Variants in MGRN1 observed in about 807,000 individuals in gnomAD.
MGRN1 encodes mahogunin ring finger 1.
A neutral mutation model predicts 69.2 loss-of-function variants in MGRN1; 29 were observed. That is an observed-to-expected ratio of 0.42 (90% confidence interval 0.31 to 0.57). The LOEUF (loss-of-function observed/expected upper bound fraction) is 0.57, where lower values mean the gene tolerates loss of function less well. Among genes scored for constraint, MGRN1 ranks in the 20% least tolerant of loss-of-function variants. The pLI, the probability that MGRN1 is intolerant of heterozygous loss-of-function variation, is 0.15. For missense variants in MGRN1, 998 were observed against 796.2 expected (o/e 1.25, Z -3.05); for synonymous variants, 470 against 344.2 (o/e 1.37, Z -4.04).
intron 10 of MGRN1, 173 bp from the exon 11 acceptor site, chr16:4,677,290 T>G: frequency 2.2e-6 from 1 of 449,074 alleles, no homozygotes; most frequent in Non-Finnish European, 3.9e-6. Flanking sequence ...TCCTGCCTAT[T>G]AAATTCCTGC....
Position 4,673,567 on chromosome 16 carries a change from C to T in MGRN1, c.865C>T (p.Leu289=), listed in dbSNP as rs996251737. 6.2e-7 allele frequency: 1 copy of T among 1,613,862 alleles called. No homozygotes were observed. The highest frequency in any genetic ancestry group is 8.5e-7 in the Non-Finnish European group (1 of 1,179,998). Reference sequence around the variant, plus strand: ...GTGCCTGTCCGACCTGCGGGACACGCTGATCCTGCCCTGCCGCCACCTGTG... The same window carrying T: ...GTGCCTGTCCGACCTGCGGGACACGTTGATCCTGCCCTGCCGCCACCTGTG... ...VVCLSDLRDT[L]ILPCRHLCLC... is the part of the protein sequence containing the mutation. The change falls in exon 10 of 17, where the codon CTG becomes TTG. Residue 289 remains leucine (L), a synonymous_variant. Coordinates refer to ENST00000262370, the MANE Select transcript of MGRN1 (RefSeq NM_015246.4).
At chr16:4,650,548 G>C in intron 2 of MGRN1, 65 bp downstream of exon 2, 1 of 1,293,038 alleles carries the variant, frequency 7.7e-7, no homozygotes, top group Non-Finnish European at 1.1e-6. Context: ...CCAGCAGTCC[G>C]CATCCCAGCC....
chr16:4,686,527 C>G (rs932888054), intron 16 of MGRN1: 1 of 1,370,036 alleles, frequency 7.3e-7, no homozygotes. Flanking sequence ...GGCCAGAGGT[C>G]TCTCCATCTG....
At chr16:4,654,178 C>G (rs111467103) in intron 4 of MGRN1, among the ~76,000 whole-genome samples, 76 of 152,230 alleles carry the variant, frequency 5.0e-4, no homozygotes, top group African/African-American at 1.7e-3. Flanking sequence ...CTCACTGGCA[C>G]ATAAGACACT....
chr16:4,663,361 C>A (rs928541765), intron 5 of MGRN1, among the ~76,000 whole-genome samples: 11 of 99,568 alleles, frequency 1.1e-4, no homozygotes, highest in Non-Finnish European at 2.2e-4. Context: ...CGGCACCTGG[C>A]CTTGTTTTTT....
chr16:4,657,214 C>T (rs1439325423), intron 4 of MGRN1, 32 bp from the exon 5 acceptor site: 45 of 1,599,272 alleles, frequency 2.8e-5, no homozygotes, highest in Non-Finnish European at 3.8e-5. Flanking sequence ...CTTCCTGCCG[C>T]AGCCTCACTG....
intron 16 of MGRN1, chr16:4,687,574 A>C (rs1596323099): frequency 2.6e-6 from 2 of 771,984 alleles, no homozygotes; most frequent in East Asian, 4.8e-4. Flanking sequence ...CAAGAAAAAA[A>C]AAATACACAC....
rs545550065 is a variant in MGRN1 at position 4,684,700 on chromosome 16, C to T, written c.1618+768C>T. 4.6e-5 allele frequency among the ~76,000 whole-genome samples: 7 copies of T among 152,378 alleles called. No individual in the cohort carries two copies. In the South Asian group the frequency reaches 1.0e-3, roughly 23 times the overall value. ...GGGATAAGATCCTCAGTTTCGAATC[C>T]TAAGCTCTAAAGACCGGGAGGGAAT... is the stretch of plus-strand genomic sequence containing the variant. On this transcript the variant is annotated intron_variant, in intron 16 of 16. Transcript: ENST00000262370.
intron 4 of MGRN1, among the ~76,000 whole-genome samples, chr16:4,656,267 AG>A (rs2141895450): frequency 6.6e-6 from 1 of 152,336 alleles, no homozygotes; most frequent in East Asian, 1.9e-4. Context: ...TGTTGGGAAA[AG>A]TGAGATGTTG....
intron 1 of MGRN1, among the ~76,000 whole-genome samples, chr16:4,639,528 A>C (rs1198565937): frequency 2.0e-5 from 3 of 152,208 alleles, no homozygotes; most frequent in African/African-American, 7.2e-5. Flanking sequence ...TGGGCTACCT[A>C]GGATGGAACA....
chr16:4,646,489 C>T (rs961251905), intron 1 of MGRN1, among the ~76,000 whole-genome samples: 1 of 151,914 alleles, frequency 6.6e-6, no homozygotes, highest in Non-Finnish European at 1.5e-5. Flanking sequence ...GAGGGGCTGC[C>T]TCCCTGGCTC....
chr16:4,678,186 C>A (rs898107584), intron 11 of MGRN1, among the ~76,000 whole-genome samples: 1 of 152,206 alleles, frequency 6.6e-6, no homozygotes, highest in Non-Finnish European at 1.5e-5. Context: ...TTCCCCCATG[C>A]GCTGCTGTGC....
intron 10 of MGRN1, among the ~76,000 whole-genome samples, chr16:4,675,586 A>C (rs1417753812): frequency 6.6e-6 from 1 of 152,066 alleles, no homozygotes; most frequent in Non-Finnish European, 1.5e-5. Flanking sequence ...AAAAAGTTAA[A>C]AGTTAGCCAG....
At chr16:4,654,738 G>A (rs986664362) in intron 4 of MGRN1, among the ~76,000 whole-genome samples, 1 of 152,240 alleles carries the variant, frequency 6.6e-6, no homozygotes, top group Admixed American at 6.5e-5. Context: ...CGCGTGACAG[G>A]TGCTCTTGAA....
At chr16:4,667,257 T>C (rs1455322459) in intron 7 of MGRN1, among the ~76,000 whole-genome samples, 1 of 152,212 alleles carries the variant, frequency 6.6e-6, no homozygotes, top group Non-Finnish European at 1.5e-5. Flanking sequence ...TCTGGGTCTT[T>C]CTAGAGCACC....
intron 5 of MGRN1, among the ~76,000 whole-genome samples, chr16:4,661,000 G>A (rs1379720449): frequency 2.0e-5 from 3 of 151,852 alleles, no homozygotes; most frequent in Non-Finnish European, 4.4e-5. Context: ...CCCTTTTTTT[G>A]AGACAGGGGC....
chr16:4,682,219 C>G (rs755330107), intron 13 of MGRN1, among the ~76,000 whole-genome samples: 5 of 152,208 alleles, frequency 3.3e-5, no homozygotes, highest in African/African-American at 4.8e-5. Context: ...CTGCTCTTGC[C>G]GTTCGCCCGT....
Position 4,650,345 on chromosome 16 carries a change from G to A in MGRN1, c.89-20G>A, listed in dbSNP as rs373771144. On this transcript the variant is annotated intron_variant, in intron 1 of 16. Coordinates refer to ENST00000262370, the MANE Select transcript of MGRN1 (RefSeq NM_015246.4). ...AAAAAAAAAAAAAAAATCTATAATCGTGTTTCCTTTTTTAAACAGGAAACT... is the reference window on the plus strand; with the variant it reads ...AAAAAAAAAAAAAAAATCTATAATCATGTTTCCTTTTTTAAACAGGAAACT... 1.2e-4 allele frequency: 173 copies of A among 1,450,522 alleles called. No homozygotes were observed. Among genetic ancestry groups the A allele is most frequent in the Non-Finnish European group, 1.5e-4 (161 of 1,051,606 alleles). 89.9% of individuals were successfully genotyped at this position (1,450,522 alleles called of 1,614,324 possible).
chr16:4,676,729 C>T (rs2079061083), intron 10 of MGRN1, among the ~76,000 whole-genome samples: 1 of 152,204 alleles, frequency 6.6e-6, no homozygotes, highest in South Asian at 2.1e-4. Context: ...CATTCTACAG[C>T]AGCCTGTGGG....
Sources: gnomAD v4.1 joint callset for allele counts (sites outside exome capture counted in the v4.1 genomes callset) on GRCh38, gnomAD v4.1.1 for gene constraint, MANE v1.5 for transcripts, NCBI Gene and HGNC (gene_info 2026-07-23, HGNC 2026-07-21) for gene names.